The following SGSM3 variants were observed in gnomAD, a reference collection of about 807,000 sequenced individuals.
SGSM3 encodes small G protein signaling modulator 3.
SGSM3 carries 96 observed loss-of-function variants against 100.5 expected under a neutral mutation model. The observed-to-expected ratio is 0.96, with a 90% CI of 0.81 to 1.13. The LOEUF (loss-of-function observed/expected upper bound fraction) is 1.13, where lower values mean the gene tolerates loss of function less well. Among genes scored for constraint, SGSM3 ranks in the 50% most tolerant of loss-of-function variants. SGSM3 has a pLI of 0.00. For missense variants in SGSM3, 1,001 were observed against 1,015.8 expected (o/e 0.99, Z 0.20); for synonymous variants, 483 against 422.8 (o/e 1.14, Z -1.75).
intron 1 of SGSM3, among the ~76,000 whole-genome samples, chr22:40,391,930 CA>C (rs980964866): frequency 9.8e-5 from 15 of 152,306 alleles, no homozygotes; most frequent in Non-Finnish European, 1.6e-4. Context: ...GGCGAAAACT[CA>C]GGAGACGTGG....
At position 40,405,869 on chromosome 22, in the gene SGSM3, T is replaced by G. The variant is rs372082584; in HGVS notation, c.814+25T>G. On this transcript the variant is annotated intron_variant, in intron 8 of 21. Transcript: ENST00000248929. ...GGTAAGGCGCCCCTGAGCCACTGGC[T>G]CCCATTCTGCAGCTTGGAGGACTCA... is the stretch of plus-strand genomic sequence containing the variant. 2,604 of 1,595,000 alleles carry G rather than the reference T, an allele frequency of 1.6e-3. 59 individuals are homozygous for G. The South Asian group carries it at 0.027, about 17-fold the overall frequency.
Position 40,408,292 on chromosome 22 carries a change from G to T in SGSM3, c.1645G>T (p.Asp549Tyr). 1.2e-6 allele frequency: 2 copies of T among 1,613,656 alleles called. No individual in the cohort carries two copies. The highest frequency in any genetic ancestry group is 1.7e-6 in the Non-Finnish European group (2 of 1,179,992). ...ERSKEYSIAG[D>Y]DSVTEGVTDL... ...CTCCCATCAGTACTCCATCGCGGGGGATGACTCGGTGACGGAGGGGGTCAC... is the reference window on the plus strand; with the variant it reads ...CTCCCATCAGTACTCCATCGCGGGGTATGACTCGGTGACGGAGGGGGTCAC... Residue 549 changes from aspartate (D) to tyrosine (Y), a missense_variant, in exon 16 of 22, where the codon GAT becomes TAT. Asp to Tyr is a radical substitution (Grantham distance 160). Coordinates refer to ENST00000248929, the MANE Select transcript of SGSM3 (RefSeq NM_015705.6).
chr22:40,408,843 G>A lies in SGSM3; in HGVS notation c.1902+1G>A, dbSNP rs954025774. The A allele has an allele frequency of 1.2e-6, 2 of 1,613,900 alleles. No individual in the cohort carries two copies. The highest frequency in any genetic ancestry group is 1.3e-5 in the African/African-American group (1 of 75,050). ...GACCCCGGAGGAGCTGCTCTACCGG[G>A]TAAGGGGGCCTCCTCTGCCAGACCC... is the stretch of plus-strand genomic sequence containing the variant. On this transcript the variant is annotated splice_donor_variant, in intron 18 of 21. Coordinates refer to ENST00000248929, the MANE Select transcript of SGSM3 (RefSeq NM_015705.6). LOFTEE classifies it high-confidence loss of function.
chr22:40,388,867 T>C (rs28613408), intron 1 of SGSM3, among the ~76,000 whole-genome samples: 5,170 of 151,936 alleles, frequency 0.034, 134 homozygotes, highest in Middle Eastern at 0.058. Context: ...AGTGGGTAGG[T>C]AGGTCGTAAT....
In SGSM3 at chr22:40,409,814, A is replaced by G; in HGVS notation, c.*55A>G. ...TGCGTCTGAGGTGGCCCAGGACCCC[A>G]AGCTGCAGAGCCCAGGGAAGAGCAG... On this transcript the variant is annotated 3_prime_UTR_variant, in exon 22 of 22. Coordinates refer to ENST00000248929, the MANE Select transcript of SGSM3 (RefSeq NM_015705.6). 5.1e-6 allele frequency: 8 copies of G among 1,576,568 alleles called. No individual in the cohort carries two copies. Among genetic ancestry groups the G allele is most frequent in the Non-Finnish European group, 6.9e-6 (8 of 1,166,242 alleles).
intron 1 of SGSM3, among the ~76,000 whole-genome samples, chr22:40,394,999 G>A (rs540280288): frequency 2.6e-5 from 4 of 152,264 alleles, no homozygotes; most frequent in Admixed American, 6.5e-5. Context: ...GCCACGTGCT[G>A]AATATTGTTA....
chr22:40,404,693 G>C (rs1338405892), intron 6 of SGSM3, 29 bp downstream of exon 6: 2 of 1,525,516 alleles, frequency 1.3e-6, no homozygotes, highest in East Asian at 2.3e-5. Flanking sequence ...TGCAGGAAGA[G>C]CTGGAGGCTG....
At chr22:40,386,486 G>C (rs9611325) in intron 1 of SGSM3, among the ~76,000 whole-genome samples, 1 of 148,914 alleles carries the variant, frequency 6.7e-6, no homozygotes, top group Non-Finnish European at 1.5e-5. Flanking sequence ...TCAGATTAAA[G>C]TAGTAGAAAT....
At chr22:40,373,696 A>G (rs776458415) in intron 1 of SGSM3, among the ~76,000 whole-genome samples, 5 of 152,062 alleles carry the variant, frequency 3.3e-5, no homozygotes, top group African/African-American at 7.2e-5. Flanking sequence ...GCTCACTGCA[A>G]TCTCTGCCTC....
At chr22:40,388,869 G>C (rs984782173) in intron 1 of SGSM3, among the ~76,000 whole-genome samples, 3 of 152,138 alleles carry the variant, frequency 2.0e-5, no homozygotes, top group Non-Finnish European at 4.4e-5. Flanking sequence ...TGGGTAGGTA[G>C]GTCGTAATGG....
intron 4 of SGSM3, 71 bp from the exon 5 acceptor site, chr22:40,404,176 G>C: frequency 1.5e-6 from 2 of 1,321,416 alleles, no homozygotes; most frequent in Non-Finnish European, 2.1e-6. Flanking sequence ...TCCTGAAGAC[G>C]GAGGCTTGGC....
chr22:40,408,164 C>T lies in SGSM3; in HGVS notation c.1629+44C>T, dbSNP rs112811205. The T allele has an allele frequency of 3.3e-4, 523 of 1,609,132 alleles. 2 individuals carry two copies. In the African/African-American group the frequency reaches 6.1e-3, roughly 19 times the overall value. ...CTAGGCACGGCTGGCACCCTTCTAG[C>T]CAGGGCCTGCGTGCCTAGCGAGTCC... is the stretch of plus-strand genomic sequence containing the variant. On this transcript the variant is annotated intron_variant, in intron 15 of 21. Coordinates refer to ENST00000248929, the MANE Select transcript of SGSM3 (RefSeq NM_015705.6).
At position 40,407,526 on chromosome 22, in the gene SGSM3, C is replaced by T. The variant is rs375483681; in HGVS notation, c.1482C>T (p.His494=). Residue 494 remains histidine (H), a synonymous_variant, in exon 13 of 22, where the codon CAC becomes CAT. Transcript: ENST00000248929. This position sits in a 1 kb window ranked among gnomAD's most constrained non-coding sequence, Gnocchi z 4.7. The stretch of plus-strand genomic sequence containing the variant: ...AGGCCCTGCTGGACTTTGAGCGGCA[C>T]GACGACGACGAGCTGGGCTTCCGCA... ...RAKALLDFER[H]DDDELGFRKN... 2.1e-5 allele frequency: 34 copies of T among 1,606,580 alleles called. No individual in the cohort carries two copies. The highest frequency in any genetic ancestry group is 1.6e-4 in the South Asian group (15 of 91,048).
At chr22:40,408,485 C>T in intron 16 of SGSM3, 56 bp downstream of exon 16, 6 of 1,603,596 alleles carry the variant, frequency 3.7e-6, no homozygotes, top group African/African-American at 1.3e-5. Context: ...GCTGTGCCCC[C>T]TAGTACCCAT....
chr22:40,374,037 C>A (rs2046086914), intron 1 of SGSM3, among the ~76,000 whole-genome samples: 1 of 152,088 alleles, frequency 6.6e-6, no homozygotes, highest in South Asian at 2.1e-4. Context: ...CAAGCTCTGC[C>A]TCCCGGGTTT....
At chr22:40,405,089 C>T (rs1333014624) in intron 6 of SGSM3, 52 bp from the exon 7 acceptor site, 1 of 1,463,356 alleles carries the variant, frequency 6.8e-7, no homozygotes, top group African/African-American at 1.4e-5. Context: ...CTGCCTCCCT[C>T]CCAGGGTGTC....
Position 40,407,821 on chromosome 22 carries a change from G to C in SGSM3, c.1557G>C (p.Val519=), listed in dbSNP as rs375146236. The C allele has an allele frequency of 6.2e-6, 10 of 1,613,332 alleles. No homozygotes were observed. Among genetic ancestry groups the C allele is most frequent in the Admixed American group, 3.3e-5 (2 of 59,938 alleles). Residue 519 remains valine (V), a synonymous_variant, in exon 14 of 22, where the codon GTG becomes GTC. Coordinates refer to ENST00000248929, the MANE Select transcript of SGSM3 (RefSeq NM_015705.6). This position sits in a 1 kb window ranked among gnomAD's most constrained non-coding sequence, Gnocchi z 4.7. Reference sequence around the variant, plus strand: ...CTCAGAAGGACGAGCACTGCTGGGTGGGGGAGCTCAACGGCCTGCGAGGTG... The same window carrying C: ...CTCAGAAGGACGAGCACTGCTGGGTCGGGGAGCTCAACGGCCTGCGAGGTG... ...IVSQKDEHCW[V]GELNGLRGWF... is the part of the protein sequence containing the mutation.
intron 1 of SGSM3, among the ~76,000 whole-genome samples, chr22:40,374,278 G>T (rs1448409529): frequency 6.6e-6 from 1 of 152,154 alleles, no homozygotes; most frequent in African/African-American, 2.4e-5. Context: ...TAGTTTGAGA[G>T]TTGGGGAAGG....
rs763690735 is a variant in SGSM3 at position 40,404,456 on chromosome 22, G to A, written c.366+1G>A. 3 of 1,606,090 alleles carry A rather than the reference G, an allele frequency of 1.9e-6. No homozygotes were observed. Among genetic ancestry groups the A allele is most frequent in the East Asian group, 2.2e-5 (1 of 44,828 alleles). ...CATCCCACATGGCATGAGGCCACAG[G>A]TAAGGTGGCCACAGGGACCCACAGG... On this transcript the variant is annotated splice_donor_variant, in intron 5 of 21. Coordinates refer to ENST00000248929, the MANE Select transcript of SGSM3 (RefSeq NM_015705.6). LOFTEE classifies it high-confidence loss of function.
Sources: allele counts gnomAD v4.1 joint callset (sites outside exome capture counted in the v4.1 genomes callset), GRCh38; gene constraint gnomAD v4.1.1; non-coding constraint Gnocchi (gnomAD v3.1); transcripts MANE v1.5; gene names NCBI Gene and HGNC (gene_info 2026-07-23, HGNC 2026-07-21).